The following SSC5D variants were observed in gnomAD, a reference collection of about 807,000 sequenced individuals.
SSC5D encodes the protein soluble scavenger receptor cysteine-rich domain-containing protein SSC5D.
In SSC5D, 106 loss-of-function variants were observed where a neutral mutation model predicts 104.6. The observed-to-expected ratio is 1.01, with a 90% CI of 0.87 to 1.19. The LOEUF (loss-of-function observed/expected upper bound fraction) is 1.19, where lower values mean the gene tolerates loss of function less well. Ranked by LOEUF, SSC5D falls within the 50% of genes most tolerant of loss-of-function variation. SSC5D has a pLI of 0.00. For synonymous variants in SSC5D, 860 were observed against 883.5 expected, an observed-to-expected ratio of 0.97 and a Z score of 0.47; for missense variants, 1,993 against 2,153.8, an observed-to-expected ratio of 0.93 and a Z score of 1.48.
rs1987891560 is a variant in SSC5D at position 55,517,237 on chromosome 19, A to AC, written c.2963dup (p.Trp989ValfsTer37). ...CTCCTCCTCCAGGTTCCCCGAGGAA[A>AC]CCGTGGCCCGAGCGCCGGCCACCGC... On this transcript the variant is annotated frameshift_variant, in exon 14 of 14. Transcript: ENST00000389623. LOFTEE classifies it low-confidence loss of function (END_TRUNC). The AC allele has an allele frequency of 6.5e-7, 1 of 1,539,292 alleles. No individual in the cohort carries two copies. The highest frequency in any genetic ancestry group is 1.4e-5 in the African/African-American group (1 of 72,816).
intron 13 of SSC5D, among the ~76,000 whole-genome samples, chr19:55,515,753 T>G (rs7409077): frequency 0.13 from 20,214 of 149,812 alleles, 2,053 homozygotes; most frequent in African/African-American, 0.27. Flanking sequence ...TAAAATAAAA[T>G]AAAAGAAAAT....
intron 13 of SSC5D, among the ~76,000 whole-genome samples, chr19:55,514,388 G>C (rs1987821649): frequency 6.8e-6 from 1 of 147,738 alleles, no homozygotes; most frequent in Non-Finnish European, 1.5e-5. Flanking sequence ...CTGGGCAACA[G>C]AGTGAGACTC....
At position 55,490,861 on chromosome 19, in the gene SSC5D, G is replaced by T. The variant is rs1249105403; in HGVS notation, c.676G>T (p.Gly226Cys). ...GCGCTGGGGCACCGTATGTGACGAT[G>T]GCTGGGACCTGCGCGACGCTGCTGT... is the stretch of plus-strand genomic sequence containing the variant. Reference protein sequence around the residue: ...GGRWGTVCDDGWDLRDAAVAC... With the variant: ...GGRWGTVCDDCWDLRDAAVAC... Residue 226 changes from glycine to cysteine, a missense_variant, in exon 6 of 14, where the codon GGC becomes TGC. Physicochemically the swap from Gly to Cys is radical, Grantham distance 159. Around this residue, in one of 6 missense-constraint regions of SSC5D, gnomAD observed 1,101 missense variants for 1,085.0 expected, o/e 1.01. Coordinates refer to ENST00000389623, the MANE Select transcript of SSC5D (RefSeq NM_001144950.2). 1 of 1,547,270 alleles carries T rather than the reference G, an allele frequency of 6.5e-7. No homozygotes were observed. The highest frequency in any genetic ancestry group is 2.0e-5 in the Admixed American group (1 of 50,562).
At chr19:55,490,678 TC>T in intron 5 of SSC5D, 93 bp from the exon 6 acceptor site, 1 of 1,359,926 alleles carries the variant, frequency 7.4e-7, no homozygotes, top group South Asian at 1.5e-5. Context: ...AGGCCACCGC[TC>T]CCTCAGGCCT....
Position 55,493,713 on chromosome 19 carries a change from C to A in SSC5D, c.1014C>A (p.Ala338=). The A allele has an allele frequency of 6.6e-7, 1 of 1,514,834 alleles. No homozygotes were observed. The highest frequency in any genetic ancestry group is 8.8e-7 in the Non-Finnish European group (1 of 1,135,800). The allele number at this position is 1,514,834 out of a possible 1,614,324, so 93.8% of individuals were successfully genotyped here. A position where few individuals can be genotyped will look rare whatever the true frequency, so the allele number is the denominator to read the frequency against. ...ACGACGCCTGGGACCTGCGAGACGC[C>A]GCTGTGGCCTGCCGAGAGCTGGGCT... ...VCDDAWDLRD[A]AVACRELGCG... is the part of the protein sequence containing the mutation. Residue 338 remains alanine (A), a synonymous_variant, in exon 7 of 14, where the codon GCC becomes GCA. Coordinates refer to ENST00000389623, the MANE Select transcript of SSC5D (RefSeq NM_001144950.2).
rs575192209 is a variant in SSC5D at position 55,500,807 on chromosome 19, A to T, written c.2617+3A>T. The T allele has an allele frequency of 6.5e-7, 1 of 1,545,376 alleles. No individual in the cohort carries two copies. The highest frequency in any genetic ancestry group is 2.5e-5 in the East Asian group (1 of 40,698). On this transcript the variant is annotated splice_donor_region_variant and intron_variant, in intron 11 of 13. Coordinates refer to ENST00000389623, the MANE Select transcript of SSC5D (RefSeq NM_001144950.2). The surrounding 1 kb of genome is among the most constrained non-coding windows in gnomAD (Gnocchi z 4.6). ...AGACGTGGGGCTCACCTGCACTGGT[A>T]CCAGGGCATGGCGGCGGTGGTGGGG... is the stretch of plus-strand genomic sequence containing the variant.
At position 55,489,550 on chromosome 19, in the gene SSC5D, G is replaced by T. The variant is rs1217202551; in HGVS notation, c.249G>T (p.Trp83Cys). Residue 83 changes from tryptophan (W) to cysteine (C), a missense_variant, in exon 3 of 14, where the codon TGG becomes TGT. By Grantham distance (215) the Trp-to-Cys change is radical. This residue lies in a region of SSC5D where 1,101 missense variants were observed against 1,085.0 expected (regional missense o/e 1.01). Transcript: ENST00000389623. Reference sequence around the variant, plus strand: ...TCGGGGAGGGGGCAGGGCCTGTGTGGCTCAGCGAGCTGGCTTGCCGGGGCA... The same window carrying T: ...TCGGGGAGGGGGCAGGGCCTGTGTGTCTCAGCGAGCTGGCTTGCCGGGGCA... The part of the protein sequence containing the change: ...AFFGEGAGPV[W>C]LSELACRGNE... 11 of 1,499,726 alleles carry T rather than the reference G, an allele frequency of 7.3e-6. No homozygotes were observed. In the East Asian group the frequency reaches 2.7e-4, roughly 37 times the overall value. 92.9% of individuals were successfully genotyped at this position (1,499,726 alleles called of 1,614,324 possible). A position where few individuals can be genotyped will look rare whatever the true frequency, so the allele number is the denominator to read the frequency against.
chr19:55,495,666 TGCCACACGGG>T (rs536405738), intron 8 of SSC5D, among the ~76,000 whole-genome samples: 200 of 152,156 alleles, frequency 1.3e-3, no homozygotes, highest in African/African-American at 4.5e-3. Context: ...GAGGATGGCG[TGCCACACGGG>T]GCCACACAGG....
intron 8 of SSC5D, among the ~76,000 whole-genome samples, chr19:55,495,822 A>G (rs909892122): frequency 6.6e-6 from 1 of 151,422 alleles, no homozygotes; most frequent in South Asian, 2.1e-4. Context: ...AGCTCCCTGC[A>G]GTCTCAAACT....
intron 7 of SSC5D, 68 bp from the exon 8 acceptor site, chr19:55,494,542 A>G: frequency 7.0e-7 from 1 of 1,428,316 alleles, no homozygotes; most frequent in African/African-American, 1.4e-5. Flanking sequence ...ATGACGCAGG[A>G]GGTGGGGGTG....
Position 55,518,620 on chromosome 19 carries a change from C to T in SSC5D, c.4344C>T (p.Pro1448=), listed in dbSNP as rs1337710591. ...CCCTCCTTTCCCCCACAGCCCACCC[C>T]TTGGATCATCCTCCCCTTGACCCCC... ...PDPLLSPTAH[P]LDHPPLDPLT... is the part of the protein sequence containing the mutation. The change falls in exon 14 of 14, where the codon CCC becomes CCT. Residue 1448 remains proline, a synonymous_variant. Transcript: ENST00000389623. 2 of 1,530,536 alleles carry T rather than the reference C, an allele frequency of 1.3e-6. No homozygotes were observed. Among genetic ancestry groups the T allele is most frequent in the African/African-American group, 1.4e-5 (1 of 72,496 alleles). 94.8% of individuals were successfully genotyped at this position (1,530,536 alleles called of 1,614,324 possible).
rs1457199527 is a variant in SSC5D, at chr19:55,500,641, C to T, written c.2454C>T (p.Val818=). 2.6e-6 allele frequency: 4 copies of T among 1,551,776 alleles called. No individual in the cohort carries two copies. The highest frequency in any genetic ancestry group is 3.9e-5 in the Admixed American group (2 of 51,008). ...GCTGGGAACTGGGCTGTGGAAAGGT[C>T]CGGCCTCGAGTAGGCAAAACCCATT... ...VACWELGCGK[V]RPRVGKTHYG... Residue 818 remains valine, a synonymous_variant, in exon 11 of 14, where the codon GTC becomes GTT. Coordinates refer to ENST00000389623, the MANE Select transcript of SSC5D (RefSeq NM_001144950.2). This position sits in a 1 kb window ranked among gnomAD's most constrained non-coding sequence, Gnocchi z 4.6.
Position 55,489,940 on chromosome 19 carries a change from GCC to G in SSC5D, c.421_422del (p.Pro141ArgfsTer83). The G allele has an allele frequency of 6.5e-7, 1 of 1,549,786 alleles. No individual in the cohort carries two copies. The highest frequency in any genetic ancestry group is 8.7e-7 in the Non-Finnish European group (1 of 1,146,630). On this transcript the variant is annotated frameshift_variant, in exon 4 of 14. Coordinates refer to ENST00000389623, the MANE Select transcript of SSC5D (RefSeq NM_001144950.2). LOFTEE classifies it high-confidence loss of function. ...CATCTCCCCTGGATGGGGCTCCCTG[GCC>G]AGGGCTGTTGCTGGAGCTGAGCCCC... ...STSPLDGAPW[P>X]GLLLELSPST...
intron 6 of SSC5D, 159 bp downstream of exon 6, chr19:55,491,239 T>G: frequency 1.3e-6 from 1 of 777,300 alleles, no homozygotes; most frequent in Non-Finnish European, 2.0e-6. Context: ...CAGCCCCTCC[T>G]TCCACAGCTC....
At position 55,518,958 on chromosome 19, in the gene SSC5D, C is replaced by A; in HGVS notation, c.4682C>A (p.Thr1561Asn). The change falls in exon 14 of 14, where the codon ACC becomes AAC. Residue 1561 changes from threonine (T) to asparagine (N), a missense_variant. Thr to Asn is a moderately conservative substitution (Grantham distance 65, BLOSUM62 0). This residue lies in a region of SSC5D where 349 missense variants were observed against 397.6 expected (regional missense o/e 0.88). Transcript: ENST00000389623. Reference protein sequence around the residue: ...TTSMPAPTTTTPEEEERPLRG... With the variant: ...TTSMPAPTTTNPEEEERPLRG... ...AGCATGCCTGCACCAACCACCACTA[C>A]CCCAGAGGAAGAAGAAAGACCCCTG... is the stretch of plus-strand genomic sequence containing the variant. 6.4e-7 allele frequency: 1 copy of A among 1,550,434 alleles called. No homozygotes were observed. Among genetic ancestry groups the A allele is most frequent in the Non-Finnish European group, 8.7e-7 (1 of 1,146,968 alleles).
At chr19:55,493,489 T>C (rs2864437) in intron 6 of SSC5D, 106 bp from the exon 7 acceptor site, 432,059 of 1,035,584 alleles carry the variant, frequency 0.42, 91,703 homozygotes, top group South Asian at 0.52. Flanking sequence ...AGATGGAATA[T>C]TTGCTTCCCA....
At position 55,498,103 on chromosome 19, in the gene SSC5D, T is replaced by C; in HGVS notation, c.1611T>C (p.Cys537=). 6.4e-7 allele frequency: 1 copy of C among 1,551,676 alleles called. No homozygotes were observed. Among genetic ancestry groups the C allele is most frequent in the Non-Finnish European group, 8.7e-7 (1 of 1,146,966 alleles). ...CCATCTGGCTAGATGATGTGGGCTG[T>C]GTGGGGACCGAGGCTTCACTGTCCG... ...AGPIWLDDVG[C]VGTEASLSDC... is the part of the protein sequence containing the mutation. The change falls in exon 9 of 14, where the codon TGT becomes TGC. Residue 537 remains cysteine, a synonymous_variant. Coordinates refer to ENST00000389623, the MANE Select transcript of SSC5D (RefSeq NM_001144950.2).
At position 55,494,553 on chromosome 19, in the gene SSC5D, C is replaced by T. The variant is rs1987255763; in HGVS notation, c.1214-57C>T. On this transcript the variant is annotated intron_variant, in intron 7 of 13. Transcript: ENST00000389623. ...AAGGATGACGCAGGAGGTGGGGGTG[C>T]CGGCTCCGGGATGGAGGGTGTGTGT... is the stretch of plus-strand genomic sequence containing the variant. 1.2e-5 allele frequency: 17 copies of T among 1,442,892 alleles called. No individual in the cohort carries two copies. In the South Asian group the frequency reaches 2.4e-4, roughly 21 times the overall value. 89.4% of individuals were successfully genotyped at this position (1,442,892 alleles called of 1,614,324 possible). A position where few individuals can be genotyped will look rare whatever the true frequency, so the allele number is the denominator to read the frequency against.
At chr19:55,496,365 A>G (rs549806739) in intron 8 of SSC5D, among the ~76,000 whole-genome samples, 1 of 152,360 alleles carries the variant, frequency 6.6e-6, no homozygotes, top group South Asian at 2.1e-4. Context: ...AGAAATACAG[A>G]AAATAAAAAG....
Sources: gnomAD v4.1 joint callset for allele counts (sites outside exome capture counted in the v4.1 genomes callset) on GRCh38, gnomAD v4.1.1 for gene constraint, gnomAD v4.1.1 regional missense constraint, Gnocchi (gnomAD v3.1) non-coding constraint, MANE v1.5 for transcripts, NCBI Gene and HGNC (gene_info 2026-07-23, HGNC 2026-07-21) for gene names.